The following INVS variants were observed in gnomAD, a reference collection of about 807,000 sequenced individuals.
INVS encodes the protein inversin.
INVS carries 86 observed loss-of-function variants against 108.8 expected under a neutral mutation model. The observed-to-expected ratio is 0.79, with a 90% confidence interval of 0.66 to 0.95. INVS has a LOEUF of 0.95. Ranked by LOEUF, INVS falls within the 40% of genes least tolerant of loss-of-function variation. The pLI is 0.00. For missense variants in INVS, 1,169 were observed against 1,297.4 expected, an observed-to-expected ratio of 0.90 and a Z score of 1.52; for synonymous variants, 455 against 473.5, an observed-to-expected ratio of 0.96 and a Z score of 0.51.
intron 15 of INVS, among the ~76,000 whole-genome samples, chr9:100,297,577 C>T (rs1404164538): frequency 1.3e-5 from 2 of 152,348 alleles, no homozygotes; most frequent in African/African-American, 2.4e-5. Context: ...GAATGCTCAA[C>T]ACCCATGCAC....
intron 5 of INVS, among the ~76,000 whole-genome samples, chr9:100,234,669 G>A (rs545128028): frequency 6.6e-6 from 1 of 152,244 alleles, no homozygotes; most frequent in Admixed American, 6.5e-5. Flanking sequence ...ATGTAGTTGT[G>A]CGGTTTTGAG....
At chr9:100,131,279 T>A (rs978672742) in intron 3 of INVS, among the ~76,000 whole-genome samples, 1 of 152,198 alleles carries the variant, frequency 6.6e-6, no homozygotes. Flanking sequence ...TCATTACTAA[T>A]ACAAATACGA....
At chr9:100,189,778 G>A (rs762679321) in intron 3 of INVS, among the ~76,000 whole-genome samples, 2 of 151,230 alleles carry the variant, frequency 1.3e-5, no homozygotes, top group Admixed American at 6.6e-5. Context: ...TTTAATAGAC[G>A]GGGGTCTTGC....
At chr9:100,174,238 G>A (rs1277129225) in intron 3 of INVS, among the ~76,000 whole-genome samples, 1 of 152,146 alleles carries the variant, frequency 6.6e-6, no homozygotes, top group Non-Finnish European at 1.5e-5. Flanking sequence ...TGAATAAACA[G>A]ATAGGATGTC....
Position 100,140,382 on chromosome 9 carries a change from C to T in INVS, c.273+13833C>T, listed in dbSNP as rs142610557. 9.9e-3 allele frequency among the ~76,000 whole-genome samples: 1,500 copies of T among 152,112 alleles called. 62 individuals carry two copies. The highest frequency in any genetic ancestry group is 0.063 in the Admixed American group (969 of 15,270). On this transcript the variant is annotated intron_variant, in intron 3 of 16. Coordinates refer to ENST00000262457, the MANE Select transcript of INVS (RefSeq NM_014425.5). ...TTCTCTGGCGGGCAGGAGTGGGGGT[C>T]ACAAGGTGCTCAGTAGGGGAGCTTT...
chr9:100,262,742 CTTGT>C (rs60585014), intron 10 of INVS, among the ~76,000 whole-genome samples: 45,010 of 146,654 alleles, frequency 0.31, 7,795 homozygotes, highest in Non-Finnish European at 0.41. Flanking sequence ...TTTTTGTTTG[CTTGT>C]TTGTTTGTTT....
chr9:100,179,002 G>T (rs944544892), intron 3 of INVS, among the ~76,000 whole-genome samples: 8 of 152,132 alleles, frequency 5.3e-5, no homozygotes, highest in African/African-American at 1.9e-4. Flanking sequence ...TTGAAGAAAA[G>T]AATTTTCAAC....
intron 3 of INVS, among the ~76,000 whole-genome samples, chr9:100,132,759 C>T (rs1480645548): frequency 1.4e-5 from 2 of 143,288 alleles, no homozygotes; most frequent in Non-Finnish European, 3.0e-5. Context: ...ATTCTCTTTG[C>T]CTTTGCATAT....
chr9:100,125,270 A>G (rs963049276), intron 2 of INVS, among the ~76,000 whole-genome samples: 4 of 152,198 alleles, frequency 2.6e-5, no homozygotes, highest in Non-Finnish European at 5.9e-5. Flanking sequence ...CGGTCTCTAT[A>G]GTGTCCAGTG....
intron 10 of INVS, among the ~76,000 whole-genome samples, chr9:100,258,784 G>A (rs745382032): frequency 4.6e-5 from 7 of 152,134 alleles, no homozygotes; most frequent in Admixed American, 2.0e-4. Context: ...TGGAAGCTTC[G>A]TCTCAGAGGG....
At position 100,226,255 on chromosome 9, in the gene INVS, A is replaced by G; in HGVS notation, c.447+20A>G. On this transcript the variant is annotated intron_variant, in intron 4 of 16. Transcript: ENST00000262457. ...AACAAGGTAATGGATACTCAAAATC[A>G]AAGACTAATAAGACCAGAAAGCAAA... 6.2e-7 allele frequency: 1 copy of G among 1,607,100 alleles called. No individual in the cohort carries two copies. Among genetic ancestry groups the G allele is most frequent in the Non-Finnish European group, 8.5e-7 (1 of 1,174,780 alleles).
At chr9:100,154,950 C>T (rs962674052) in intron 3 of INVS, among the ~76,000 whole-genome samples, 2 of 152,004 alleles carry the variant, frequency 1.3e-5, no homozygotes, top group African/African-American at 4.8e-5. Context: ...CAGTGGCTCA[C>T]GCCTGTAATC....
chr9:100,157,580 T>C (rs1829040781), intron 3 of INVS, among the ~76,000 whole-genome samples: 1 of 152,096 alleles, frequency 6.6e-6, no homozygotes, highest in South Asian at 2.1e-4. Flanking sequence ...ATAGCAGAAA[T>C]GTCTTATAGT....
chr9:100,259,944 C>A (rs949134091), intron 10 of INVS, among the ~76,000 whole-genome samples: 1 of 146,662 alleles, frequency 6.8e-6, no homozygotes, highest in African/African-American at 2.5e-5. Flanking sequence ...CCATCTCTGC[C>A]CATTGCAACT....
chr9:100,200,055 T>C (rs1258197800), intron 3 of INVS, among the ~76,000 whole-genome samples: 1 of 152,184 alleles, frequency 6.6e-6, no homozygotes, highest in East Asian at 1.9e-4. Context: ...TGGCTTGTTC[T>C]TCTATTTTTT....
At chr9:100,185,371 C>CT (rs775793846) in intron 3 of INVS, among the ~76,000 whole-genome samples, 37 of 151,466 alleles carry the variant, frequency 2.4e-4, no homozygotes, top group Non-Finnish European at 3.5e-4. Context: ...TTTTTCCCCA[C>CT]TTTCAACCAG....
At chr9:100,212,577 A>G (rs1263857639) in intron 3 of INVS, among the ~76,000 whole-genome samples, 1 of 151,872 alleles carries the variant, frequency 6.6e-6, no homozygotes, top group Non-Finnish European at 1.5e-5. Context: ...AAAAAACAGA[A>G]CTCAAAAATT....
At chr9:100,117,185 G>A in intron 2 of INVS, 7 of 1,093,696 alleles carry the variant, frequency 6.4e-6, no homozygotes, top group Non-Finnish European at 9.5e-6. Flanking sequence ...CTTACGGATG[G>A]TGGTGGCCAC....
chr9:100,162,983 A>G (rs1327999932), intron 3 of INVS, among the ~76,000 whole-genome samples: 1 of 152,182 alleles, frequency 6.6e-6, no homozygotes, highest in East Asian at 1.9e-4. Flanking sequence ...CCATGGTGTC[A>G]GCCACAATGT....
Sources: gnomAD v4.1 joint callset for allele counts (sites outside exome capture counted in the v4.1 genomes callset) on GRCh38, gnomAD v4.1.1 for gene constraint, MANE v1.5 for transcripts, NCBI Gene and HGNC (gene_info 2026-07-23, HGNC 2026-07-21) for gene names.